CDCA5: variants seen among roughly 807,000 people sequenced by gnomAD.
The protein encoded by CDCA5 is cell division cycle associated 5.
CDCA5 carries 14 observed loss-of-function variants against 25.7 expected under a neutral mutation model. The ratio of observed to expected loss-of-function variants is 0.54; its 90% confidence interval spans 0.36 to 0.85. The LOEUF (loss-of-function observed/expected upper bound fraction) is 0.85. Ranked by LOEUF, CDCA5 falls within the 40% of genes least tolerant of loss-of-function variation. The pLI is 0.01. For missense variants in CDCA5, 307 were observed against 324.5 expected, an observed-to-expected ratio of 0.95 and a Z score of 0.41; for synonymous variants, 127 against 128.7, an observed-to-expected ratio of 0.99 and a Z score of 0.09.
chr11:65,075,325 A>G (rs558345639), downstream of CDCA5, among the ~76,000 whole-genome samples: 2 of 152,302 alleles, frequency 1.3e-5, no homozygotes, highest in Middle Eastern at 3.4e-3. Flanking sequence ...TGAACCCAGG[A>G]GGTGGAGGTT....
downstream of CDCA5, among the ~76,000 whole-genome samples, chr11:65,062,442 C>T (rs139845673): frequency 9.3e-4 from 142 of 152,270 alleles, 2 homozygotes; most frequent in African/African-American, 2.8e-3. Flanking sequence ...TCCTCACTCA[C>T]GGCTCCTGTA....
chr11:65,071,904 G>C (rs1036239417), intron 1 of CDCA5, among the ~76,000 whole-genome samples: 2 of 152,164 alleles, frequency 1.3e-5, no homozygotes, highest in Non-Finnish European at 2.9e-5. Context: ...GCTGCTCATA[G>C]GTGGGGCAGC....
At chr11:65,082,457 G>A (rs1206854344) in intron 4 of CDCA5, among the ~76,000 whole-genome samples, 1 of 130,378 alleles carries the variant, frequency 7.7e-6, no homozygotes, top group Admixed American at 8.4e-5. Flanking sequence ...AAACCTACTT[G>A]TCTTTTTTTT....
At chr11:65,076,212 C>T (rs145056032), downstream of CDCA5, among the ~76,000 whole-genome samples, 4 of 152,314 alleles carry the variant, frequency 2.6e-5, no homozygotes, top group East Asian at 7.7e-4. Context: ...ACCTCCCAGG[C>T]TCAGGTGATC....
Position 65,069,697 on chromosome 11 carries a change from C to A in CDCA5, c.64-1096G>T, listed in dbSNP as rs567512895. On this transcript the variant is annotated intron_variant, in intron 1 of 6. Transcript: ENST00000525464. ...AATAAAAGTAATTCACATGGACGACCACAGTAGCTGATTTACACCATGAAG... is the reference window on the plus strand; with the variant it reads ...AATAAAAGTAATTCACATGGACGACAACAGTAGCTGATTTACACCATGAAG... 2.1e-4 allele frequency among the ~76,000 whole-genome samples: 32 copies of A among 152,328 alleles called. 2 individuals are homozygous for A. The South Asian group carries it at 6.4e-3, about 31-fold the overall frequency.
rs1947499274 is a variant in CDCA5, at chr11:65,078,965, G to C, written c.*142C>G. ...TGCCGCTGCTGCCCAAGCCCTCAAAGGCAGACAGTCCTCATGCGCAGCACC... is the reference window on the plus strand; with the variant it reads ...TGCCGCTGCTGCCCAAGCCCTCAAACGCAGACAGTCCTCATGCGCAGCACC... On this transcript the variant is annotated 3_prime_UTR_variant, in exon 6 of 6. Transcript: ENST00000275517. 3.9e-6 allele frequency: 5 copies of C among 1,275,450 alleles called. No individual in the cohort carries two copies. Among genetic ancestry groups the C allele is most frequent in the Admixed American group, 7.4e-5 (2 of 27,164 alleles). 79.0% of individuals were successfully genotyped at this position (1,275,450 alleles called of 1,614,324 possible).
At chr11:65,074,768 G>C (rs1259813597), downstream of CDCA5, among the ~76,000 whole-genome samples, 1 of 149,032 alleles carries the variant, frequency 6.7e-6, no homozygotes, top group African/African-American at 2.5e-5. Flanking sequence ...AAAAAAAATT[G>C]GCAGGGGTTT....
Position 65,079,020 on chromosome 11 carries a change from AG to A in CDCA5, c.*86del. The A allele has an allele frequency of 7.2e-7, 1 of 1,385,586 alleles. No homozygotes were observed. The highest frequency in any genetic ancestry group is 2.7e-4 in the Middle Eastern group (1 of 3,690). The allele number at this position is 1,385,586 out of a possible 1,614,324, so 85.8% of individuals were successfully genotyped here. On this transcript the variant is annotated 3_prime_UTR_variant, in exon 6 of 6. Coordinates refer to ENST00000275517, the MANE Select transcript of CDCA5 (RefSeq NM_080668.4). ...CACACACAGGTAACAAGACCAGGGG[AG>A]GGGACCCTAAGTGTCCTCTCCACAG...
chr11:65,061,198 G>A, the CDCA5 span, among the ~76,000 whole-genome samples: 1 of 152,218 alleles, frequency 6.6e-6, no homozygotes, highest in Non-Finnish European at 1.5e-5. Flanking sequence ...AGACACTCAA[G>A]CAGCCCTGTG....
At position 65,083,865 on chromosome 11, in the gene CDCA5, G is replaced by A. The variant is rs556885251; in HGVS notation, c.46+68C>T. 8.7e-6 allele frequency: 14 copies of A among 1,600,334 alleles called. No individual in the cohort carries two copies. In the South Asian group the frequency reaches 1.2e-4, roughly 14 times the overall value. On this transcript the variant is annotated intron_variant, in intron 1 of 5. Coordinates refer to ENST00000275517, the MANE Select transcript of CDCA5 (RefSeq NM_080668.4). ...CGGCGGCGGCAGCGGGAGGGAAGAG[G>A]CCATCTTTCACCGGACTGCGTCCCC... is the stretch of plus-strand genomic sequence containing the variant.
chr11:65,074,940 T>G (rs1050887917), downstream of CDCA5, among the ~76,000 whole-genome samples: 45 of 150,976 alleles, frequency 3.0e-4, no homozygotes, highest in African/African-American at 1.0e-3. Flanking sequence ...CACATGCCTG[T>G]AATTCCAGCT....
chr11:65,075,790 T>C (rs751458250), downstream of CDCA5, among the ~76,000 whole-genome samples: 3 of 152,150 alleles, frequency 2.0e-5, no homozygotes, highest in East Asian at 3.8e-4. Flanking sequence ...GGACAAGTCT[T>C]GAGCAAGGAG....
chr11:65,079,476 G>A lies in CDCA5; in HGVS notation c.555C>T (p.Cys185=). The A allele has an allele frequency of 1.2e-6, 2 of 1,614,126 alleles. No homozygotes were observed. Among genetic ancestry groups the A allele is most frequent in the Non-Finnish European group, 1.7e-6 (2 of 1,180,026 alleles). ...CCCTGGGGACCTCGGTGAGTTTGGA[G>A]CACACCACTGGCGAGACTCCGGACA... The part of the protein sequence containing the change: ...EDLSGVSPVV[C]SKLTEVPRVC... Residue 185 remains cysteine, a synonymous_variant, in exon 5 of 6, where the codon TGC becomes TGT. Coordinates refer to ENST00000275517, the MANE Select transcript of CDCA5 (RefSeq NM_080668.4).
downstream of CDCA5, among the ~76,000 whole-genome samples, chr11:65,074,904 A>C (rs1396178838): frequency 6.6e-6 from 1 of 151,624 alleles, no homozygotes; most frequent in Non-Finnish European, 1.5e-5. Context: ...TCTTACTAAA[A>C]ATACAAAATT....
In CDCA5 at chr11:65,083,987, C is replaced by A; in HGVS notation, c.-9G>T. On this transcript the variant is annotated 5_prime_UTR_variant, in exon 1 of 6. Transcript: ENST00000275517. The stretch of plus-strand genomic sequence containing the variant: ...GTTCGCCTCCCAGACATAACTTAGG[C>A]TCCGTCTCGAGCTCCTCCAGCGCCG... The A allele has an allele frequency of 6.2e-7, 1 of 1,609,264 alleles. No individual in the cohort carries two copies. The highest frequency in any genetic ancestry group is 2.2e-5 in the East Asian group (1 of 44,818).
At chr11:65,082,089 C>G (rs573499284) in intron 4 of CDCA5, among the ~76,000 whole-genome samples, 44 of 152,358 alleles carry the variant, frequency 2.9e-4, no homozygotes, top group Non-Finnish European at 5.6e-4. Context: ...TTAGCTCACG[C>G]CCTTGGCTTC....
At chr11:65,066,016 C>T (rs1012976422), downstream of CDCA5, among the ~76,000 whole-genome samples, 3 of 152,076 alleles carry the variant, frequency 2.0e-5, no homozygotes, top group Non-Finnish European at 4.4e-5. Flanking sequence ...CCAGATCCTC[C>T]GGGGAGGGAC....
At chr11:65,075,536 T>C, downstream of CDCA5, among the ~76,000 whole-genome samples, 1 of 143,174 alleles carries the variant, frequency 7.0e-6, no homozygotes, top group South Asian at 2.4e-4. Flanking sequence ...AGTGCAATTG[T>C]CTAGTGGCTG....
chr11:65,071,861 G>T (rs1348563942), intron 1 of CDCA5, among the ~76,000 whole-genome samples: 1 of 152,162 alleles, frequency 6.6e-6, no homozygotes, highest in Non-Finnish European at 1.5e-5. Context: ...TTGGACAGAA[G>T]ATAGCTCAGG....
Sources: allele counts gnomAD v4.1 joint callset (sites outside exome capture counted in the v4.1 genomes callset), GRCh38; gene constraint gnomAD v4.1.1; transcripts MANE v1.5; gene names NCBI Gene and HGNC (gene_info 2026-07-23, HGNC 2026-07-21).